Variants in TMEM177 observed in about 807,000 individuals in gnomAD.
TMEM177 encodes transmembrane protein 177.
A neutral mutation model predicts 14.2 loss-of-function variants in TMEM177; 4 were observed. That is an observed-to-expected ratio of 0.28 (90% CI 0.14 to 0.64). TMEM177 has a LOEUF of 0.64. Among genes scored for constraint, TMEM177 ranks in the 30% least tolerant of loss-of-function variants. TMEM177 has a pLI of 0.82. For missense variants in TMEM177, 344 were observed against 405.2 expected (o/e 0.85, Z 1.30); for synonymous variants, 179 against 174.5 (o/e 1.03, Z -0.20).
At chr2:119,688,602 T>G (rs918733805), downstream of TMEM177, among the ~76,000 whole-genome samples, 3 of 152,308 alleles carry the variant, frequency 2.0e-5, no homozygotes, top group Non-Finnish European at 2.9e-5. Context: ...TACAGTAGTA[T>G]TAATCTCATG....
At chr2:119,722,434 A>G in the TMEM177 span, among the ~76,000 whole-genome samples, 8 of 152,126 alleles carry the variant, frequency 5.3e-5, no homozygotes, top group African/African-American at 9.7e-5. Flanking sequence ...GGGAAAATAA[A>G]TAATGGAAGT....
the TMEM177 span, among the ~76,000 whole-genome samples, chr2:119,704,455 G>A: frequency 6.6e-6 from 1 of 152,094 alleles, no homozygotes; most frequent in African/African-American, 2.4e-5. Flanking sequence ...AAAATTAGCT[G>A]GGCGTGGTAG....
At chr2:119,716,317 C>T in the TMEM177 span, among the ~76,000 whole-genome samples, 2 of 152,198 alleles carry the variant, frequency 1.3e-5, no homozygotes. Flanking sequence ...ATCCCCAGAC[C>T]CGAAAGCACT....
At chr2:119,703,861 C>T in the TMEM177 span, among the ~76,000 whole-genome samples, 1 of 152,222 alleles carries the variant, frequency 6.6e-6, no homozygotes, top group Non-Finnish European at 1.5e-5. Context: ...CAGCTTCCTG[C>T]TATTGCCAGC....
At chr2:119,701,023 A>G in the TMEM177 span, among the ~76,000 whole-genome samples, 1 of 152,202 alleles carries the variant, frequency 6.6e-6, no homozygotes, top group Admixed American at 6.5e-5. Context: ...TCCTGGGGAC[A>G]AGAGAGCCAA....
chr2:119,704,303 AAG>A, the TMEM177 span, among the ~76,000 whole-genome samples: 1 of 152,298 alleles, frequency 6.6e-6, no homozygotes, highest in East Asian at 1.9e-4. Context: ...TTTAACTCTT[AAG>A]AATGTACTTC....
chr2:119,680,898 C>T lies in TMEM177; in HGVS notation c.45C>T (p.His15=). 1.2e-6 allele frequency: 2 copies of T among 1,614,238 alleles called. No individual in the cohort carries two copies. The highest frequency in any genetic ancestry group is 4.5e-5 in the East Asian group (2 of 44,888). ...LWRTAAFVQR[H]RTGLLVGSCA... ...GGACCGCAGCATTTGTGCAGAGACA[C>T]AGGACAGGCCTCTTGGTGGGTTCCT... Residue 15 remains histidine, a synonymous_variant, in exon 2 of 2, where the codon CAC becomes CAT. Transcript: ENST00000272521.
At chr2:119,714,225 A>C in the TMEM177 span, among the ~76,000 whole-genome samples, 1 of 152,196 alleles carries the variant, frequency 6.6e-6, no homozygotes, top group East Asian at 1.9e-4. Flanking sequence ...AGGGATGTGC[A>C]AAAGGAGTTG....
At chr2:119,712,664 A>T in the TMEM177 span, among the ~76,000 whole-genome samples, 4 of 152,338 alleles carry the variant, frequency 2.6e-5, no homozygotes, top group Non-Finnish European at 2.9e-5. Flanking sequence ...AGAAATGTCT[A>T]TCGCTTAAGC....
the TMEM177 span, among the ~76,000 whole-genome samples, chr2:119,691,718 C>T: frequency 6.6e-6 from 1 of 152,150 alleles, no homozygotes; most frequent in Non-Finnish European, 1.5e-5. Flanking sequence ...CCCAGAGGTC[C>T]TGACGTGTCA....
chr2:119,722,294 A>G, the TMEM177 span, among the ~76,000 whole-genome samples: 3 of 152,048 alleles, frequency 2.0e-5, no homozygotes, highest in Non-Finnish European at 4.4e-5. Context: ...ACGTGGACAT[A>G]TCACTTGAAA....
downstream of TMEM177, among the ~76,000 whole-genome samples, chr2:119,687,269 C>G (rs1689030267): frequency 6.6e-6 from 1 of 152,216 alleles, no homozygotes; most frequent in Admixed American, 6.5e-5. Flanking sequence ...CCACAAGGCA[C>G]TGAATCCTAC....
the TMEM177 span, among the ~76,000 whole-genome samples, chr2:119,702,953 C>T: frequency 6.6e-6 from 1 of 152,212 alleles, no homozygotes; most frequent in African/African-American, 2.4e-5. Context: ...CTCAGAGTGG[C>T]CAATTCCTGT....
At chr2:119,705,990 A>ATATATATTAATTATATAT in the TMEM177 span, among the ~76,000 whole-genome samples, 2 of 14,606 alleles carry the variant, frequency 1.4e-4, no homozygotes, top group Admixed American at 1.9e-3. Flanking sequence ...CTCTCTATAT[A>ATATATATTAATTATATAT]TATATATTAT....
chr2:119,710,035 TG>T, the TMEM177 span, among the ~76,000 whole-genome samples: 1 of 152,120 alleles, frequency 6.6e-6, no homozygotes. Flanking sequence ...GAGTTTTCTT[TG>T]GGGGTGATTA....
downstream of TMEM177, among the ~76,000 whole-genome samples, chr2:119,687,562 G>A (rs1308528896): frequency 6.6e-6 from 1 of 152,062 alleles, no homozygotes; most frequent in Admixed American, 6.6e-5. Flanking sequence ...GAACTCACTC[G>A]CTATCATGAG....
the TMEM177 span, among the ~76,000 whole-genome samples, chr2:119,703,668 C>T: frequency 1.3e-4 from 20 of 152,250 alleles, no homozygotes; most frequent in Admixed American, 9.8e-4. Context: ...TCCCATGCTC[C>T]GGATCACCCC....
chr2:119,688,958 G>A (rs1259191700), downstream of TMEM177, among the ~76,000 whole-genome samples: 4 of 152,174 alleles, frequency 2.6e-5, no homozygotes, highest in Non-Finnish European at 4.4e-5. Flanking sequence ...GCTGCAAGTG[G>A]ATCGTGGGAC....
chr2:119,685,616 T>A (rs746352258), downstream of TMEM177: 4 of 716,520 alleles, frequency 5.6e-6, no homozygotes, highest in Non-Finnish European at 2.6e-6. Flanking sequence ...TTATTCCCAA[T>A]TGGGGCATGT....
Sources: allele counts gnomAD v4.1 joint callset (sites outside exome capture counted in the v4.1 genomes callset), GRCh38; gene constraint gnomAD v4.1.1; transcripts MANE v1.5; gene names NCBI Gene and HGNC (gene_info 2026-07-23, HGNC 2026-07-21).